Variants in FKBP5 observed in about 807,000 individuals in gnomAD.
The protein encoded by FKBP5 is peptidyl-prolyl cis-trans isomerase FKBP5.
Under a neutral mutation model 50.5 loss-of-function variants are expected in FKBP5, and 23 were observed. The observed-to-expected ratio is 0.46, with a 90% confidence interval of 0.33 to 0.65. FKBP5 has a LOEUF of 0.65. Ranked by LOEUF, FKBP5 falls within the 30% of genes least tolerant of loss-of-function variation. The pLI is 0.02. For synonymous variants in FKBP5, 176 were observed against 190.6 expected (o/e 0.92, Z 0.63); for missense variants, 411 against 553.1 (o/e 0.74, Z 2.58).
intron 1 of FKBP5, among the ~76,000 whole-genome samples, chr6:35,671,276 A>T (rs9348980): frequency 0.7 from 105,071 of 149,840 alleles, 36,948 homozygotes; most frequent in East Asian, 0.76. Context: ...AAAAAAAAAA[A>T]AATAATAAAT....
chr6:35,684,974 G>A (rs1457667887), intron 1 of FKBP5, among the ~76,000 whole-genome samples: 1 of 151,902 alleles, frequency 6.6e-6, no homozygotes, highest in Non-Finnish European at 1.5e-5. Flanking sequence ...GGTTGGGCAG[G>A]AGGATCTCTT....
At chr6:35,680,706 T>C (rs1162974278) in intron 1 of FKBP5, among the ~76,000 whole-genome samples, 5 of 152,248 alleles carry the variant, frequency 3.3e-5, no homozygotes, top group South Asian at 4.1e-4. Context: ...TTCCTGCCTA[T>C]GAAAAATAGC....
intron 8 of FKBP5, chr6:35,583,228 TCTC>T (rs1236465793): frequency 8.1e-6 from 8 of 985,316 alleles, no homozygotes; most frequent in South Asian, 9.4e-5. Flanking sequence ...CTTCATCCTC[TCTC>T]CTCCTCCCTC....
chr6:35,685,597 T>G (rs1765798971), intron 1 of FKBP5, among the ~76,000 whole-genome samples: 1 of 152,244 alleles, frequency 6.6e-6, no homozygotes, highest in African/African-American at 2.4e-5. Flanking sequence ...ATAATATAGA[T>G]TATTCTTTAG....
chr6:35,608,191 A>G (rs1561855834), intron 5 of FKBP5, among the ~76,000 whole-genome samples: 1 of 152,112 alleles, frequency 6.6e-6, no homozygotes, highest in Non-Finnish European at 1.5e-5. Flanking sequence ...ACAGACATAA[A>G]GATGAGGACA....
chr6:35,637,007 C>T lies in FKBP5; in HGVS notation c.250+7G>A. Reference sequence around the variant, plus strand: ...GTAAAACACAACTCAAAAAAATACCCTCTTACCTTTGCCAAGACTAAAGAC... The same window carrying T: ...GTAAAACACAACTCAAAAAAATACCTTCTTACCTTTGCCAAGACTAAAGAC... On this transcript the variant is annotated splice_region_variant and intron_variant, in intron 3 of 10. Coordinates refer to ENST00000357266, the MANE Select transcript of FKBP5 (RefSeq NM_004117.4). 6.3e-7 allele frequency: 1 copy of T among 1,590,718 alleles called. No homozygotes were observed. The highest frequency in any genetic ancestry group is 8.5e-7 in the Non-Finnish European group (1 of 1,174,344).
At chr6:35,671,962 G>A (rs982228436) in intron 1 of FKBP5, among the ~76,000 whole-genome samples, 9 of 151,682 alleles carry the variant, frequency 5.9e-5, no homozygotes, top group Non-Finnish European at 1.2e-4. Flanking sequence ...TCCGCCTCCC[G>A]GGTTCACACC....
chr6:35,707,096 G>A (rs1191399155), intron 2 of FKBP5, among the ~76,000 whole-genome samples: 1 of 152,052 alleles, frequency 6.6e-6, no homozygotes, highest in Non-Finnish European at 1.5e-5. Context: ...GGATGGGACT[G>A]GGAATCTAGG....
At chr6:35,719,848 TC>T (rs944878156) in intron 2 of FKBP5, among the ~76,000 whole-genome samples, 1 of 152,104 alleles carries the variant, frequency 6.6e-6, no homozygotes, top group Non-Finnish European at 1.5e-5. Flanking sequence ...ACACACCATT[TC>T]CCCTTTCTGG....
At chr6:35,675,114 A>C (rs1224022105) in intron 1 of FKBP5, among the ~76,000 whole-genome samples, 1 of 152,236 alleles carries the variant, frequency 6.6e-6, no homozygotes, top group Admixed American at 6.5e-5. Context: ...TTTAATCCTC[A>C]CAACAACCTT....
intron 1 of FKBP5, among the ~76,000 whole-genome samples, chr6:35,672,417 AT>A (rs1371625195): frequency 1.3e-5 from 2 of 152,126 alleles, no homozygotes; most frequent in East Asian, 3.9e-4. Context: ...GTGTTTAAAA[AT>A]AATAAAGAAA....
intron 8 of FKBP5, chr6:35,582,395 G>A: frequency 7.3e-6 from 5 of 687,278 alleles, no homozygotes; most frequent in South Asian, 6.6e-5. Flanking sequence ...GAGGGAATTA[G>A]GTTAGATGTG....
intron 1 of FKBP5, among the ~76,000 whole-genome samples, chr6:35,646,510 T>C (rs768474879): frequency 6.6e-5 from 10 of 152,244 alleles, no homozygotes; most frequent in Non-Finnish European, 1.3e-4. Context: ...ATTAGGAGTA[T>C]AGGTTTTTGT....
upstream of FKBP5, among the ~76,000 whole-genome samples, chr6:35,692,889 C>T (rs1350265233): frequency 6.6e-6 from 1 of 150,854 alleles, no homozygotes; most frequent in Non-Finnish European, 1.5e-5. Context: ...CAGTTTTGAA[C>T]AATTCTCAGA....
At chr6:35,579,563 C>T (rs1762356234) in intron 9 of FKBP5, among the ~76,000 whole-genome samples, 1 of 152,112 alleles carries the variant, frequency 6.6e-6, no homozygotes, top group Non-Finnish European at 1.5e-5. Context: ...AAAAAGGCTG[C>T]TGATGCTCTG....
upstream of FKBP5, among the ~76,000 whole-genome samples, chr6:35,693,867 C>T (rs1348096736): frequency 6.6e-6 from 1 of 151,412 alleles, no homozygotes; most frequent in Non-Finnish European, 1.5e-5. Context: ...CATGTATTTC[C>T]CAGTACCCTG....
intron 2 of FKBP5, among the ~76,000 whole-genome samples, chr6:35,705,413 C>T (rs1371894042): frequency 1.3e-5 from 2 of 150,342 alleles, no homozygotes; most frequent in African/African-American, 4.9e-5. Flanking sequence ...ATTACAGGCA[C>T]ACACCACCAT....
rs1237245621 is a variant in FKBP5, at chr6:35,661,435, T to A, written c.-19-18592A>T. ...ACTTATTAATACTATATAACACTGC[T>A]ATGAACATTTTTGTGCCTAAGCTTT... On this transcript the variant is annotated intron_variant, in intron 1 of 10. Coordinates refer to ENST00000357266, the MANE Select transcript of FKBP5 (RefSeq NM_004117.4). Among the ~76,000 whole-genome samples, 3 of 84,398 alleles carry A rather than the reference T, an allele frequency of 3.6e-5. 1 individual carries two copies. The highest frequency in any genetic ancestry group is 1.1e-4 in the African/African-American group (3 of 27,308). 55.4% of individuals were successfully genotyped at this position (84,398 alleles called of 152,430 possible).
intron 2 of FKBP5, among the ~76,000 whole-genome samples, chr6:35,704,511 C>T (rs1766245707): frequency 6.6e-6 from 1 of 152,170 alleles, no homozygotes; most frequent in African/African-American, 2.4e-5. Flanking sequence ...GCTCCTAAGA[C>T]AATCTCCCAG....
Sources: gnomAD v4.1 joint callset for allele counts (sites outside exome capture counted in the v4.1 genomes callset) on GRCh38, gnomAD v4.1.1 for gene constraint, MANE v1.5 for transcripts, NCBI Gene and HGNC (gene_info 2026-07-23, HGNC 2026-07-21) for gene names.